The following MAPT variants were observed in gnomAD, a reference collection of about 807,000 sequenced individuals.
MAPT encodes microtubule associated protein tau.
A neutral mutation model predicts 67.9 loss-of-function variants in MAPT; 34 were observed. The observed-to-expected ratio is 0.50, with a 90% CI of 0.38 to 0.67. The LOEUF (loss-of-function observed/expected upper bound fraction) is 0.67. Among genes scored for constraint, MAPT ranks in the 30% least tolerant of loss-of-function variants. The pLI, the probability that MAPT is intolerant of heterozygous loss-of-function variation, is 0.00. For missense variants in MAPT, 881 were observed against 1,115.2 expected (o/e 0.79, Z 2.99); for synonymous variants, 456 against 464.5 (o/e 0.98, Z 0.23).
In MAPT at chr17:45,983,135, C is replaced by G. The variant is rs1317071459; in HGVS notation, c.556C>G (p.Pro186Ala). 6.3e-7 allele frequency: 1 copy of G among 1,585,448 alleles called. No homozygotes were observed. The change falls in exon 5 of 13, where the codon CCG becomes GCG. Residue 186 changes from proline (P) to alanine (A), a missense_variant. This residue lies in a region of MAPT where 687 missense variants were observed against 766.1 expected (regional missense o/e 0.90). Coordinates refer to ENST00000262410, the MANE Select transcript of MAPT (RefSeq NM_001377265.1). ...QKGGDWAEKG[P>A]AFPKPATTAY... ...AGGCGGGGACTGGGCCGAGAAGGGT[C>G]CGGCCTTTCCGAAGCCCGCCACCAC...
rs987111902 is a variant in MAPT at position 45,921,989 on chromosome 17, A to G, written c.-18+27303A>G. 1.5e-4 allele frequency among the ~76,000 whole-genome samples: 23 copies of G among 151,998 alleles called. No individual in the cohort carries two copies. The South Asian group carries it at 2.9e-3, about 19-fold the overall frequency. ...CCCTGAGGCGCCTCTTTCTGGCTCC[A>G]TAGAATGGCTGATTCTGTAACTCGG... On this transcript the variant is annotated intron_variant, in intron 1 of 12. Coordinates refer to ENST00000262410, the MANE Select transcript of MAPT (RefSeq NM_001377265.1).
At chr17:45,978,345 C>A in intron 3 of MAPT, 30 bp from the exon 4 acceptor site, 2 of 1,573,180 alleles carry the variant, frequency 1.3e-6, no homozygotes, top group African/African-American at 1.3e-5. Context: ...CTTGCTTTTA[C>A]CCCCCTTCAT....
intron 7 of MAPT, 108 bp downstream of exon 7, chr17:45,990,183 T>G: frequency 1.0e-6 from 1 of 989,340 alleles, no homozygotes; most frequent in Non-Finnish European, 1.6e-6. Context: ...AAATGAGTTC[T>G]GGCATAGAAG....
intron 1 of MAPT, among the ~76,000 whole-genome samples, chr17:45,918,453 G>T (rs2065395117): frequency 6.6e-6 from 1 of 152,170 alleles, no homozygotes; most frequent in Non-Finnish European, 1.5e-5. Context: ...ACCTCTCTGA[G>T]CCTGGTTCGG....
chr17:45,903,608 G>A (rs1162253640), intron 1 of MAPT, among the ~76,000 whole-genome samples: 7 of 146,226 alleles, frequency 4.8e-5, no homozygotes, highest in Non-Finnish European at 7.4e-5. Context: ...CCAGCTACTC[G>A]AGAGGCTGAG....
At chr17:46,004,540 T>C (rs1399993724) in intron 9 of MAPT, among the ~76,000 whole-genome samples, 3 of 152,268 alleles carry the variant, frequency 2.0e-5, no homozygotes, top group Non-Finnish European at 2.9e-5. Context: ...TATATGTTAC[T>C]GTAGCTGAGA....
intron 10 of MAPT, among the ~76,000 whole-genome samples, chr17:46,012,764 C>A (rs1367449072): frequency 6.6e-6 from 1 of 151,832 alleles, no homozygotes; most frequent in Admixed American, 6.6e-5. Context: ...CCCCCCTCCC[C>A]CTCTCACGAG....
intron 1 of MAPT, among the ~76,000 whole-genome samples, chr17:45,931,384 T>C (rs2066837025): frequency 6.6e-6 from 1 of 152,228 alleles, no homozygotes; most frequent in African/African-American, 2.4e-5. Flanking sequence ...ACCAGGATTT[T>C]TTTCAAATAA....
At position 46,024,613 on chromosome 17, in the gene MAPT, G is replaced by A. The variant is rs1474233079; in HGVS notation, c.*442G>A. 1 of 259,124 alleles carries A rather than the reference G, an allele frequency of 3.9e-6. No homozygotes were observed. The highest frequency in any genetic ancestry group is 1.0e-4 in the East Asian group (1 of 9,674). The allele number at this position is 259,124 out of a possible 1,614,324, so 16.1% of individuals were successfully genotyped here. A position where few individuals can be genotyped will look rare whatever the true frequency, so the allele number is the denominator to read the frequency against. ...TCACAGAGGCAGTGGCAGCAACAAA[G>A]GATTTGAAACTTGGTGTGTTCGTGG... On this transcript the variant is annotated 3_prime_UTR_variant, in exon 13 of 13. Transcript: ENST00000262410.
intron 1 of MAPT, among the ~76,000 whole-genome samples, chr17:45,937,054 G>A (rs1443302958): frequency 1.3e-5 from 2 of 152,202 alleles, no homozygotes; most frequent in Admixed American, 6.5e-5. Flanking sequence ...ATATGTATGC[G>A]ATATGAGAGC....
chr17:46,008,473 A>G (rs1303950987), intron 9 of MAPT, among the ~76,000 whole-genome samples: 1 of 152,226 alleles, frequency 6.6e-6, no homozygotes, highest in Non-Finnish European at 1.5e-5. Context: ...GGGTAGTTAT[A>G]TATAAATGAG....
rs752519455 is a variant in MAPT, at chr17:45,996,703, G to C, written c.1998+39G>C. 1 of 1,608,924 alleles carries C rather than the reference G, an allele frequency of 6.2e-7. No homozygotes were observed. Among genetic ancestry groups the C allele is most frequent in the Non-Finnish European group, 8.5e-7 (1 of 1,177,352 alleles). ...GCTGCGCGTGGAGGTGTGGGGGGCT[G>C]CGCCTGGAGGGGTAGGGCTGTGCCT... On this transcript the variant is annotated intron_variant, in intron 9 of 12. Coordinates refer to ENST00000262410, the MANE Select transcript of MAPT (RefSeq NM_001377265.1). The surrounding 1 kb of genome is among the most constrained non-coding windows in gnomAD (Gnocchi z 4.5).
At chr17:45,954,840 C>T (rs1433565247) in intron 1 of MAPT, among the ~76,000 whole-genome samples, 6 of 152,050 alleles carry the variant, frequency 3.9e-5, no homozygotes, top group South Asian at 4.2e-4. Flanking sequence ...AAAAATTAGC[C>T]GGGCACAGTG....
In MAPT at chr17:45,915,195, C is replaced by T. The variant is rs1798791090; in HGVS notation, c.-18+20509C>T. 6.6e-6 allele frequency among the ~76,000 whole-genome samples: 1 copy of T among 152,000 alleles called. No homozygotes were observed. Among genetic ancestry groups the T allele is most frequent in the Non-Finnish European group, 1.5e-5 (1 of 68,002 alleles). On this transcript the variant is annotated intron_variant, in intron 1 of 12. Coordinates refer to ENST00000262410, the MANE Select transcript of MAPT (RefSeq NM_001377265.1). This position sits in a 1 kb window ranked among gnomAD's most constrained non-coding sequence, Gnocchi z 4.4. ...TGGCCTAACCCTGTCATGTTAGAGA[C>T]TGGAGTGCGTGTGTGTGCGCGCAAA...
rs557611109 is a variant in MAPT at position 45,996,427 on chromosome 17, C to T, written c.1761C>T (p.Ser587=). The stretch of plus-strand genomic sequence containing the variant: ...AACCTCCAAAATCAGGGGATCGCAG[C>T]GGCTACAGCAGCCCCGGCTCCCCAG... ...SGEPPKSGDR[S]GYSSPGSPGT... is the part of the protein sequence containing the mutation. Residue 587 remains serine, a synonymous_variant, in exon 9 of 13, where the codon AGC becomes AGT. Transcript: ENST00000262410. This position sits in a 1 kb window ranked among gnomAD's most constrained non-coding sequence, Gnocchi z 4.5. 85 of 1,612,710 alleles carry T rather than the reference C, an allele frequency of 5.3e-5. 1 individual carries two copies. The South Asian group carries it at 6.8e-4, about 13-fold the overall frequency.
intron 9 of MAPT, among the ~76,000 whole-genome samples, chr17:46,004,129 C>G (rs118161002): frequency 6.6e-6 from 1 of 152,154 alleles, no homozygotes; most frequent in Non-Finnish European, 1.5e-5. Context: ...CACAGCACAG[C>G]GAGCACCAGG....
Position 46,010,352 on chromosome 17 carries a change from T to C in MAPT, c.2041T>C (p.Ser681Pro). ...NKKLDLSNVQ[S>P]KCGSKDNIKH... The stretch of plus-strand genomic sequence containing the variant: ...GAAGCTGGATCTTAGCAACGTCCAG[T>C]CCAAGTGTGGCTCAAAGGATAATAT... Residue 681 changes from serine (S) to proline (P), a missense_variant, in exon 10 of 13, where the codon TCC becomes CCC. By Grantham distance (74) the Ser-to-Pro change is moderately conservative (BLOSUM62 -1). Coordinates refer to ENST00000262410, the MANE Select transcript of MAPT (RefSeq NM_001377265.1). The surrounding 1 kb of genome is among the most constrained non-coding windows in gnomAD (Gnocchi z 4.7). 6.3e-7 allele frequency: 1 copy of C among 1,583,090 alleles called. No individual in the cohort carries two copies. Among genetic ancestry groups the C allele is most frequent in the African/African-American group, 1.3e-5 (1 of 74,674 alleles).
intron 1 of MAPT, chr17:45,895,326 G>C (rs1209486800): frequency 2.0e-5 from 3 of 152,304 alleles, no homozygotes; most frequent in Admixed American, 6.5e-5. Flanking sequence ...GACATTTGGG[G>C]GCTGGGAGAA....
intron 1 of MAPT, among the ~76,000 whole-genome samples, chr17:45,919,064 TAA>T (rs80344216): frequency 8.8e-4 from 92 of 104,124 alleles, no homozygotes; most frequent in African/African-American, 2.0e-3. Context: ...TCTGTCTCAA[TAA>T]AAAAAAAAAA....
Sources: allele counts gnomAD v4.1 joint callset (sites outside exome capture counted in the v4.1 genomes callset), GRCh38; gene constraint gnomAD v4.1.1; regional missense constraint gnomAD v4.1.1; non-coding constraint Gnocchi (gnomAD v3.1); transcripts MANE v1.5; gene names NCBI Gene and HGNC (gene_info 2026-07-23, HGNC 2026-07-21).